The following ZDHHC2 variants were observed in gnomAD, a reference collection of about 807,000 sequenced individuals.
ZDHHC2 encodes palmitoyltransferase ZDHHC2.
ZDHHC2 carries 51 observed loss-of-function variants against 55.6 expected under a neutral mutation model. The ratio of observed to expected loss-of-function variants is 0.92; its 90% CI spans 0.73 to 1.16. The LOEUF is 1.16. Among genes scored for constraint, ZDHHC2 ranks in the 50% most tolerant of loss-of-function variants. The probability of loss-of-function intolerance (pLI) is 0.00; values close to 1 mark genes in which losing one functional copy is unlikely to be tolerated. For synonymous variants in ZDHHC2, 199 were observed against 152.9 expected (o/e 1.30, Z -2.22); for missense variants, 491 against 442.4 (o/e 1.11, Z -0.99).
intron 10 of ZDHHC2, among the ~76,000 whole-genome samples, chr8:17,210,862 T>C (rs1292677971): frequency 6.6e-6 from 1 of 152,130 alleles, no homozygotes; most frequent in East Asian, 1.9e-4. Flanking sequence ...GTGATAACTG[T>C]TAGAGTAAAG....
At chr8:17,198,240 T>C in intron 5 of ZDHHC2, 141 bp from the exon 6 acceptor site, 1 of 677,078 alleles carries the variant, frequency 1.5e-6, no homozygotes, top group Non-Finnish European at 2.3e-6. Context: ...TCTGCTATTA[T>C]CCAATTTTTA....
intron 6 of ZDHHC2, among the ~76,000 whole-genome samples, chr8:17,203,004 A>G (rs564133165): frequency 2.6e-5 from 4 of 151,114 alleles, no homozygotes; most frequent in East Asian, 2.0e-4. Context: ...AATCTTTTCT[A>G]TCCCTTCCAA....
At chr8:17,191,485 G>C (rs1364770208) in intron 3 of ZDHHC2, among the ~76,000 whole-genome samples, 1 of 152,128 alleles carries the variant, frequency 6.6e-6, no homozygotes, top group Non-Finnish European at 1.5e-5. Context: ...CCAGCCTCTG[G>C]TTGCCATCCT....
intron 1 of ZDHHC2, among the ~76,000 whole-genome samples, chr8:17,157,778 T>G (rs1464651604): frequency 6.6e-6 from 1 of 152,202 alleles, no homozygotes; most frequent in African/African-American, 2.4e-5. Context: ...TTTCTGTGTT[T>G]GGTGCTCCAC....
chr8:17,207,219 C>T (rs1585730422), intron 7 of ZDHHC2, among the ~76,000 whole-genome samples: 1 of 152,188 alleles, frequency 6.6e-6, no homozygotes, highest in East Asian at 1.9e-4. Flanking sequence ...GAAGAGACAC[C>T]TCGTGGCAGC....
chr8:17,183,506 G>T (rs1805541639), intron 1 of ZDHHC2, among the ~76,000 whole-genome samples: 1 of 152,212 alleles, frequency 6.6e-6, no homozygotes, highest in Non-Finnish European at 1.5e-5. Context: ...GGTCATCCAG[G>T]CCTGCCTGTC....
chr8:17,212,063 C>T (rs1221476696), intron 10 of ZDHHC2, among the ~76,000 whole-genome samples: 2 of 152,086 alleles, frequency 1.3e-5, no homozygotes, highest in Non-Finnish European at 2.9e-5. Context: ...TTAGTTCTGA[C>T]ACTGTTACCC....
chr8:17,179,465 G>T (rs181762339), intron 1 of ZDHHC2, among the ~76,000 whole-genome samples: 1 of 152,230 alleles, frequency 6.6e-6, no homozygotes, highest in African/African-American at 2.4e-5. Context: ...CTGGAGTACA[G>T]TGATGTGATC....
chr8:17,184,838 T>G (rs764783558), intron 2 of ZDHHC2, 23 bp downstream of exon 2: 19 of 1,524,410 alleles, frequency 1.2e-5, no homozygotes, highest in Non-Finnish European at 1.7e-5. Flanking sequence ...ATATTAATGT[T>G]ATAGATTTTT....
intron 1 of ZDHHC2, among the ~76,000 whole-genome samples, chr8:17,163,432 T>C (rs750375317): frequency 6.6e-6 from 1 of 152,150 alleles, no homozygotes; most frequent in East Asian, 1.9e-4. Flanking sequence ...AAAAGACAAA[T>C]GTATCCCATA....
At chr8:17,188,562 C>G (rs1340830189) in intron 3 of ZDHHC2, among the ~76,000 whole-genome samples, 2 of 152,156 alleles carry the variant, frequency 1.3e-5, no homozygotes, top group Non-Finnish European at 2.9e-5. Context: ...GCTGGTTCCT[C>G]TTCAGCTCCT....
In ZDHHC2 at chr8:17,174,408, C is replaced by T. The variant is rs183844553; in HGVS notation, c.131-10381C>T. Among the ~76,000 whole-genome samples, 161 of 152,274 alleles carry T rather than the reference C, an allele frequency of 1.1e-3. 1 individual carries two copies. The highest frequency in any genetic ancestry group is 2.0e-3 in the Non-Finnish European group (134 of 68,020). ...TCACGAAGACTTGGAATGCGATGAA[C>T]ACCTGATCTCATAGCCCAGCAGGTA... On this transcript the variant is annotated intron_variant, in intron 1 of 12. Transcript: ENST00000262096.
At chr8:17,177,910 G>A (rs1338763095) in intron 1 of ZDHHC2, among the ~76,000 whole-genome samples, 1 of 152,142 alleles carries the variant, frequency 6.6e-6, no homozygotes, top group African/African-American at 2.4e-5. Flanking sequence ...CCAAAGGAGA[G>A]AGATTGAATT....
At chr8:17,180,232 T>C (rs546540414) in intron 1 of ZDHHC2, among the ~76,000 whole-genome samples, 1 of 152,222 alleles carries the variant, frequency 6.6e-6, no homozygotes, top group Non-Finnish European at 1.5e-5. Flanking sequence ...TTCTTTCACA[T>C]TTAAGTTCTC....
intron 1 of ZDHHC2, among the ~76,000 whole-genome samples, chr8:17,181,486 CA>C (rs1311431649): frequency 3.3e-5 from 5 of 151,922 alleles, no homozygotes; most frequent in African/African-American, 1.2e-4. Flanking sequence ...TTTCTGTTGA[CA>C]AAAATTGAAA....
intron 1 of ZDHHC2, among the ~76,000 whole-genome samples, chr8:17,177,835 G>A (rs1445300737): frequency 6.6e-6 from 1 of 151,934 alleles, no homozygotes; most frequent in Non-Finnish European, 1.5e-5. Flanking sequence ...GGCTAGGCTG[G>A]AAATTGCATA....
intron 1 of ZDHHC2, among the ~76,000 whole-genome samples, chr8:17,166,878 T>C (rs1445206820): frequency 1.3e-5 from 2 of 152,142 alleles, no homozygotes; most frequent in African/African-American, 2.4e-5. Flanking sequence ...CTGATGACTT[T>C]CAATGTAATT....
intron 3 of ZDHHC2, among the ~76,000 whole-genome samples, chr8:17,186,845 G>A (rs1585683668): frequency 6.6e-6 from 1 of 152,202 alleles, no homozygotes; most frequent in Non-Finnish European, 1.5e-5. Flanking sequence ...CAAAAAGTCT[G>A]TAGCTAGTCC....
intron 1 of ZDHHC2, among the ~76,000 whole-genome samples, chr8:17,183,766 A>G (rs988352058): frequency 1.3e-5 from 2 of 152,166 alleles, no homozygotes; most frequent in Non-Finnish European, 2.9e-5. Flanking sequence ...CCCTGGAAGG[A>G]TGAATTTTCT....
Sources: gnomAD v4.1 joint callset for allele counts (sites outside exome capture counted in the v4.1 genomes callset) on GRCh38, gnomAD v4.1.1 for gene constraint, MANE v1.5 for transcripts, NCBI Gene and HGNC (gene_info 2026-07-23, HGNC 2026-07-21) for gene names.